Variants in MGAM2 observed in about 807,000 individuals in gnomAD.
MGAM2 encodes probable maltase-glucoamylase 2.
Under a neutral mutation model 96.1 loss-of-function variants are expected in MGAM2, and 98 were observed. The ratio of observed to expected loss-of-function variants is 1.02; its 90% CI spans 0.87 to 1.21. The LOEUF (loss-of-function observed/expected upper bound fraction) is 1.21, where lower values mean the gene tolerates loss of function less well. Among genes scored for constraint, MGAM2 ranks in the 50% most tolerant of loss-of-function variants. The probability of loss-of-function intolerance (pLI) is 0.00; values close to 1 mark genes in which losing one functional copy is unlikely to be tolerated. For synonymous variants in MGAM2, 749 were observed against 414.8 expected (o/e 1.81, Z -9.79); for missense variants, 2,055 against 1,182.4 (o/e 1.74, Z -10.82).
At chr7:142,187,677 A>G (rs1796740914) in intron 35 of MGAM2, 73 bp from the exon 36 acceptor site, 1 of 671,144 alleles carries the variant, frequency 1.5e-6, no homozygotes, top group Admixed American at 2.1e-5. Context: ...CATCTCCCTG[A>G]GTTAGTGTCC....
intron 3 of MGAM2, among the ~76,000 whole-genome samples, chr7:142,128,347 G>A (rs957935243): frequency 6.6e-6 from 1 of 152,180 alleles, no homozygotes; most frequent in Non-Finnish European, 1.5e-5. Context: ...GCCTGATGAT[G>A]CAATAGAAAA....
At chr7:142,174,526 C>T (rs1444469723) in intron 31 of MGAM2, among the ~76,000 whole-genome samples, 1 of 151,804 alleles carries the variant, frequency 6.6e-6, no homozygotes, top group African/African-American at 2.4e-5. Flanking sequence ...ATTTTGTATC[C>T]TGAGACTTTG....
At position 142,220,399 on chromosome 7, in the gene MGAM2, C is replaced by T; in HGVS notation, c.5888C>T (p.Pro1963Leu). 1 of 702,620 alleles carries T rather than the reference C, an allele frequency of 1.4e-6. No homozygotes were observed. The allele number at this position is 702,620 out of a possible 1,614,324, so 43.5% of individuals were successfully genotyped here. Residue 1963 changes from proline (P) to leucine (L), a missense_variant, in exon 48 of 48, where the codon CCT becomes CTT. Transcript: ENST00000477922. ...TNATVPDTTA[P>L]FPTNTTTAST... is the part of the protein sequence containing the mutation. ...GCTACTGTTCCCGATACAACTGCCCCTTTCCCAACAAATACTACTACTGCT... is the reference window on the plus strand; with the variant it reads ...GCTACTGTTCCCGATACAACTGCCCTTTTCCCAACAAATACTACTACTGCT...
intron 15 of MGAM2, among the ~76,000 whole-genome samples, chr7:142,152,772 A>G (rs931565263): frequency 6.6e-6 from 1 of 152,138 alleles, no homozygotes; most frequent in Non-Finnish European, 1.5e-5. Flanking sequence ...TTATTGTTCA[A>G]TTTTATAATT....
chr7:142,151,262 C>T (rs890423074), intron 15 of MGAM2, among the ~76,000 whole-genome samples: 1 of 152,122 alleles, frequency 6.6e-6, no homozygotes, highest in Non-Finnish European at 1.5e-5. Flanking sequence ...CTGATGACTT[C>T]GAGGCAGAGA....
intron 15 of MGAM2, among the ~76,000 whole-genome samples, chr7:142,152,414 T>A (rs913340714): frequency 6.6e-6 from 1 of 152,126 alleles, no homozygotes; most frequent in African/African-American, 2.4e-5. Context: ...GAGTGAGTCC[T>A]CTCCTCCAAC....
In MGAM2 at chr7:142,203,768, G is replaced by T. The variant is rs528886543; in HGVS notation, c.5137+3800G>T. On this transcript the variant is annotated intron_variant, in intron 45 of 47. Coordinates refer to ENST00000477922, the MANE Select transcript of MGAM2 (RefSeq NM_001293626.2). ...AGGGAAAGACTCTATTCAATAAATG[G>T]TACTGGGACAACTGGCTAGCCATGT... 7.2e-5 allele frequency among the ~76,000 whole-genome samples: 11 copies of T among 151,918 alleles called. No individual in the cohort carries two copies. In the South Asian group the frequency reaches 2.3e-3, roughly 32 times the overall value.
chr7:142,176,333 A>G (rs1796375774), intron 32 of MGAM2, among the ~76,000 whole-genome samples: 2 of 152,226 alleles, frequency 1.3e-5, no homozygotes, highest in African/African-American at 2.4e-5. Flanking sequence ...TGCAGAGGCA[A>G]TTACCTGCAA....
chr7:142,156,616 G>T (rs544061600), intron 17 of MGAM2, among the ~76,000 whole-genome samples: 2 of 152,188 alleles, frequency 1.3e-5, no homozygotes, highest in African/African-American at 4.8e-5. Flanking sequence ...CTGGGCTTTT[G>T]TCAGTTGACA....
chr7:142,181,725 G>A (rs1796548879), intron 32 of MGAM2, among the ~76,000 whole-genome samples: 1 of 152,220 alleles, frequency 6.6e-6, no homozygotes, highest in Non-Finnish European at 1.5e-5. Context: ...AGAGTGGGTT[G>A]TGGGGTATGT....
At chr7:142,145,071 C>T in intron 14 of MGAM2, 126 bp downstream of exon 14, 1 of 602,468 alleles carries the variant, frequency 1.7e-6, no homozygotes, top group East Asian at 2.9e-5. Flanking sequence ...ATCCTGAGCA[C>T]TCCTCTGCCG....
chr7:142,126,762 A>G (rs941365451), intron 3 of MGAM2, among the ~76,000 whole-genome samples: 1 of 152,074 alleles, frequency 6.6e-6, no homozygotes, highest in Non-Finnish European at 1.5e-5. Flanking sequence ...ACTTTAAGAT[A>G]TTTCTATTTC....
In MGAM2 at chr7:142,111,752, G is replaced by A. The variant is rs536092449; in HGVS notation, c.-56G>A. ...CTCAGCCCAGTTACCTTTGCTCAGT[G>A]CTCCCTATGAATTGCTGAGGGAGAG... On this transcript the variant is annotated 5_prime_UTR_variant, in exon 1 of 48. Coordinates refer to ENST00000477922, the MANE Select transcript of MGAM2 (RefSeq NM_001293626.2). The A allele has an allele frequency of 2.6e-5, 4 of 152,262 alleles. No individual in the cohort carries two copies. Among genetic ancestry groups the A allele is most frequent in the Admixed American group, 2.0e-4 (3 of 15,302 alleles). The allele number at this position is 152,262 out of a possible 1,614,324, so 9.4% of individuals were successfully genotyped here. A position where few individuals can be genotyped will look rare whatever the true frequency, so the allele number is the denominator to read the frequency against.
chr7:142,140,166 C>T (rs192124180), intron 10 of MGAM2, among the ~76,000 whole-genome samples: 8 of 152,190 alleles, frequency 5.3e-5, no homozygotes, highest in Non-Finnish European at 1.0e-4. Flanking sequence ...AGAGCCTGTC[C>T]CCAAAGCCCT....
chr7:142,112,694 A>G (rs1446857362), intron 1 of MGAM2, among the ~76,000 whole-genome samples: 1 of 152,148 alleles, frequency 6.6e-6, no homozygotes, highest in Non-Finnish European at 1.5e-5. Context: ...TGTTTGTCTC[A>G]GTTCCACCAC....
chr7:142,161,795 G>A (rs1433018707), intron 22 of MGAM2, among the ~76,000 whole-genome samples, 160 bp from the exon 23 acceptor site: 4 of 152,094 alleles, frequency 2.6e-5, no homozygotes, highest in Non-Finnish European at 5.9e-5. Context: ...TAGAGAAAAT[G>A]GTCCAGGAAA....
intron 32 of MGAM2, among the ~76,000 whole-genome samples, chr7:142,180,472 C>T (rs184916763): frequency 3.9e-5 from 6 of 152,038 alleles, no homozygotes; most frequent in Admixed American, 1.3e-4. Flanking sequence ...TCTAACTTCT[C>T]GATGTAGGCA....
chr7:142,199,777 A>T (rs1797161537), intron 44 of MGAM2, 103 bp from the exon 45 acceptor site: 5 of 502,512 alleles, frequency 1.0e-5, no homozygotes, highest in Non-Finnish European at 1.8e-5. Flanking sequence ...TATTTAATAC[A>T]TTTCTTTTAT....
chr7:142,196,877 C>A (rs1183318881), intron 40 of MGAM2, 61 bp downstream of exon 40: 1 of 704,738 alleles, frequency 1.4e-6, no homozygotes, highest in African/African-American at 1.8e-5. Context: ...TCTTTTTAAC[C>A]CCCAGGACTA....
Sources: gnomAD v4.1 joint callset for allele counts (sites outside exome capture counted in the v4.1 genomes callset) on GRCh38, gnomAD v4.1.1 for gene constraint, MANE v1.5 for transcripts, NCBI Gene and HGNC (gene_info 2026-07-23, HGNC 2026-07-21) for gene names.